CDC42BPA: variants seen among roughly 807,000 people sequenced by gnomAD.
The protein encoded by CDC42BPA is CDC42 binding protein kinase alpha.
A neutral mutation model predicts 223.5 loss-of-function variants in CDC42BPA; 80 were observed. The observed-to-expected ratio is 0.36, with a 90% CI of 0.30 to 0.43. The LOEUF is 0.43. Ranked by LOEUF, CDC42BPA falls within the 20% of genes least tolerant of loss-of-function variation. The pLI, the probability that CDC42BPA is intolerant of heterozygous loss-of-function variation, is 1.00. For synonymous variants in CDC42BPA, 694 were observed against 718.6 expected, an observed-to-expected ratio of 0.97 and a Z score of 0.55; for missense variants, 1,743 against 2,099.9, an observed-to-expected ratio of 0.83 and a Z score of 3.32.
intron 35 of CDC42BPA, 42 bp from the exon 36 acceptor site, chr1:226,995,022 G>A: frequency 6.4e-7 from 1 of 1,567,372 alleles, no homozygotes; most frequent in Middle Eastern, 1.7e-4. Flanking sequence ...TATGCAGAGG[G>A]GACAATACTC....
chr1:227,086,786 G>T (rs1047456274), intron 16 of CDC42BPA, among the ~76,000 whole-genome samples: 1 of 150,868 alleles, frequency 6.6e-6, no homozygotes, highest in Non-Finnish European at 1.5e-5. Context: ...TCCCGTTTTA[G>T]CCTTCCAGGT....
chr1:227,257,224 C>A lies in CDC42BPA; in HGVS notation c.179-3069G>T, dbSNP rs571821547. ...TTATGGCTTAATGGTTACAGAATTT[C>A]TCTTTGGATAATGAAAAAGTTTTAG... On this transcript the variant is annotated intron_variant, in intron 1 of 36. Transcript: ENST00000366766. Among the ~76,000 whole-genome samples, 15 of 152,136 alleles carry A rather than the reference C, an allele frequency of 9.9e-5. No individual in the cohort carries two copies. The South Asian group carries it at 2.9e-3, about 29-fold the overall frequency.
At position 227,129,245 on chromosome 1, in the gene CDC42BPA, G is replaced by C; in HGVS notation, c.1391-14C>G. The C allele has an allele frequency of 6.5e-7, 1 of 1,534,568 alleles. No homozygotes were observed. The highest frequency in any genetic ancestry group is 8.7e-7 in the Non-Finnish European group (1 of 1,143,596). On this transcript the variant is annotated splice_polypyrimidine_tract_variant and intron_variant, in intron 10 of 36. Coordinates refer to ENST00000366766, the MANE Select transcript of CDC42BPA (RefSeq NM_001394014.1). ...TCTGTGTTGACTCTTTAAAAAAAAG[G>C]ATAAAAGAAATAAAAATATCACCAT...
chr1:227,091,352 A>G (rs971468642), intron 16 of CDC42BPA, among the ~76,000 whole-genome samples: 7 of 152,078 alleles, frequency 4.6e-5, no homozygotes, highest in Non-Finnish European at 7.4e-5. Flanking sequence ...GCCCCTCATG[A>G]ATGGTTTAGC....
chr1:227,238,730 G>A (rs1052229660), intron 2 of CDC42BPA, among the ~76,000 whole-genome samples: 16 of 152,120 alleles, frequency 1.1e-4, no homozygotes, highest in African/African-American at 3.6e-4. Context: ...CTATGACAAC[G>A]AGTACTACCT....
At chr1:227,242,357 G>A (rs894922526) in intron 2 of CDC42BPA, among the ~76,000 whole-genome samples, 2 of 151,944 alleles carry the variant, frequency 1.3e-5, no homozygotes, top group African/African-American at 4.8e-5. Context: ...ACCAGACAAG[G>A]ATGATGCCCA....
At chr1:227,244,976 T>C (rs1167954535) in intron 2 of CDC42BPA, among the ~76,000 whole-genome samples, 1 of 152,212 alleles carries the variant, frequency 6.6e-6, no homozygotes, top group Non-Finnish European at 1.5e-5. Context: ...TGACTAGCTC[T>C]AGCCAAAGGG....
chr1:227,045,809 ATTTATC>A (rs1672324623), intron 23 of CDC42BPA, among the ~76,000 whole-genome samples: 1 of 151,884 alleles, frequency 6.6e-6, no homozygotes, highest in Non-Finnish European at 1.5e-5. Context: ...AACAGGAAAT[ATTTATC>A]TTTTTCTTTG....
intron 21 of CDC42BPA, among the ~76,000 whole-genome samples, chr1:227,064,362 A>C (rs886950391): frequency 1.3e-5 from 2 of 152,222 alleles, no homozygotes; most frequent in African/African-American, 4.8e-5. Context: ...TCAAATATAA[A>C]GAGCAAGCAG....
At chr1:227,297,967 T>TATACACACACACACACACAC (rs369403944) in intron 1 of CDC42BPA, among the ~76,000 whole-genome samples, 6 of 132,070 alleles carry the variant, frequency 4.5e-5, no homozygotes, top group African/African-American at 1.5e-4. Context: ...TATATACATA[T>TATACACACACACACACACAC]ACACACACAC....
At chr1:227,293,402 C>T (rs926970975) in intron 1 of CDC42BPA, among the ~76,000 whole-genome samples, 2 of 151,688 alleles carry the variant, frequency 1.3e-5, no homozygotes, top group Middle Eastern at 3.2e-3. Flanking sequence ...GCTTACAGAA[C>T]TTATAATGTG....
chr1:227,160,194 C>T (rs944067415), intron 6 of CDC42BPA, among the ~76,000 whole-genome samples: 1 of 152,160 alleles, frequency 6.6e-6, no homozygotes, highest in Non-Finnish European at 1.5e-5. Flanking sequence ...GGCAAAGCTG[C>T]GTTTTCTTTT....
chr1:227,160,753 A>G (rs1663731913), intron 5 of CDC42BPA, 117 bp from the exon 6 acceptor site: 1 of 587,516 alleles, frequency 1.7e-6, no homozygotes, highest in Admixed American at 3.4e-5. Flanking sequence ...ATTCTAAGAA[A>G]ATCTATTTAA....
intron 14 of CDC42BPA, among the ~76,000 whole-genome samples, chr1:227,110,707 T>C (rs759310309): frequency 6.6e-6 from 1 of 152,224 alleles, no homozygotes; most frequent in African/African-American, 2.4e-5. Context: ...GGGATGGTGA[T>C]GTAATTACTT....
At chr1:227,180,841 A>C (rs1667809791) in intron 5 of CDC42BPA, among the ~76,000 whole-genome samples, 1 of 151,654 alleles carries the variant, frequency 6.6e-6, no homozygotes. Context: ...GCATTTTTGA[A>C]GTTATAGTTC....
intron 1 of CDC42BPA, among the ~76,000 whole-genome samples, chr1:227,283,798 T>C (rs1688380812): frequency 6.6e-6 from 1 of 152,210 alleles, no homozygotes; most frequent in Non-Finnish European, 1.5e-5. Context: ...AGGCCAGGCA[T>C]GGTGGCTCAC....
intron 6 of CDC42BPA, among the ~76,000 whole-genome samples, chr1:227,160,194 C>A (rs944067415): frequency 1.3e-5 from 2 of 152,160 alleles, no homozygotes; most frequent in Admixed American, 1.3e-4. Flanking sequence ...GGCAAAGCTG[C>A]GTTTTCTTTT....
At chr1:227,234,366 G>GTATT (rs1678598030) in intron 2 of CDC42BPA, 1 of 152,204 alleles carries the variant, frequency 6.6e-6, no homozygotes, top group African/African-American at 2.4e-5. Flanking sequence ...CCCAAAAAAT[G>GTATT]CTGATCCAGG....
At chr1:227,157,090 A>C (rs1476042298) in intron 6 of CDC42BPA, among the ~76,000 whole-genome samples, 1 of 152,230 alleles carries the variant, frequency 6.6e-6, no homozygotes, top group Non-Finnish European at 1.5e-5. Flanking sequence ...TCTACATGTC[A>C]TAAACCCACA....
Sources: gnomAD v4.1 joint callset for allele counts (sites outside exome capture counted in the v4.1 genomes callset) on GRCh38, gnomAD v4.1.1 for gene constraint, MANE v1.5 for transcripts, NCBI Gene and HGNC (gene_info 2026-07-23, HGNC 2026-07-21) for gene names.